Variants in LIG3 observed in about 807,000 individuals in gnomAD.
LIG3 encodes the protein ligase II, DNA, ATP-dependent.
Under a neutral mutation model 110.9 loss-of-function variants are expected in LIG3, and 58 were observed. That is an observed-to-expected ratio of 0.52 (90% CI 0.42 to 0.65). The LOEUF (loss-of-function observed/expected upper bound fraction) is 0.65, where lower values mean the gene tolerates loss of function less well. Ranked by LOEUF, LIG3 falls within the 30% of genes least tolerant of loss-of-function variation. The pLI is 0.00. For synonymous variants in LIG3, 422 were observed against 472.8 expected (o/e 0.89, Z 1.39); for missense variants, 1,094 against 1,273.8 (o/e 0.86, Z 2.15).
chr17:34,991,096 G>T lies in LIG3; in HGVS notation c.1023G>T (p.Met341Ile). 1 of 1,614,108 alleles carries T rather than the reference G, an allele frequency of 6.2e-7. No individual in the cohort carries two copies. Among genetic ancestry groups the T allele is most frequent in the South Asian group, 1.1e-5 (1 of 91,072 alleles). ...SRIFNCNPDD[M>I]ARDLEQGDVS... ...TTTTTAACTGCAACCCAGATGATAT[G>T]GCACGGGACCTAGAGCAGGTCAGAG... is the stretch of plus-strand genomic sequence containing the variant. The change falls in exon 5 of 20, where the codon ATG becomes ATT. Residue 341 changes from methionine (M) to isoleucine (I), a missense_variant. Met to Ile is a conservative substitution (Grantham distance 10). Coordinates refer to ENST00000378526, the MANE Select transcript of LIG3 (RefSeq NM_013975.4).
At chr17:34,982,531 C>T (rs1403165005) in intron 1 of LIG3, among the ~76,000 whole-genome samples, 1 of 151,834 alleles carries the variant, frequency 6.6e-6, no homozygotes, top group Non-Finnish European at 1.5e-5. Context: ...CCTGTAATCC[C>T]AGCTACTAGG....
intron 16 of LIG3, among the ~76,000 whole-genome samples, 197 bp from the exon 17 acceptor site, chr17:35,001,060 G>A (rs1265156028): frequency 3.3e-5 from 5 of 150,842 alleles, no homozygotes; most frequent in Admixed American, 6.6e-5. Context: ...GTGCACCACC[G>A]TGCCTGGCTA....
intron 2 of LIG3, 88 bp from the exon 3 acceptor site, chr17:34,985,900 G>A (rs1227590813): frequency 7.2e-7 from 1 of 1,394,434 alleles, no homozygotes; most frequent in Non-Finnish European, 1.0e-6. Flanking sequence ...AACAAGCAAG[G>A]CCCTAGGAGC....
intron 4 of LIG3, 92 bp downstream of exon 4, chr17:34,989,755 G>A: frequency 8.3e-7 from 1 of 1,209,472 alleles, no homozygotes; most frequent in Non-Finnish European, 1.2e-6. Flanking sequence ...AGTTGCCCGG[G>A]ATCCCATGCT....
At chr17:34,991,937 A>T (rs1358362733) in intron 6 of LIG3, 21 bp from the exon 7 acceptor site, 1 of 1,613,964 alleles carries the variant, frequency 6.2e-7, no homozygotes, top group Non-Finnish European at 8.5e-7. Context: ...AGACCAAGTT[A>T]AATGTGCTTC....
chr17:35,001,271 G>A lies in LIG3; in HGVS notation c.2346G>A (p.Trp782Ter), dbSNP rs755082204. 1.9e-6 allele frequency: 3 copies of A among 1,613,874 alleles called. No individual in the cohort carries two copies. The highest frequency in any genetic ancestry group is 2.5e-6 in the Non-Finnish European group (3 of 1,179,808). ...ACTCCTGACAGAAAGCTGCCGTGTG[G>A]GAGATCACAGGGGCTGAATTCTCCA... The part of the protein sequence containing the change: ...IVPDPKKAAV[W>*]EITGAEFSKS... Residue 782 changes from tryptophan to a stop codon, truncating the protein, a stop_gained, in exon 17 of 20, where the codon TGG becomes TGA. Transcript: ENST00000378526. LOFTEE classifies it high-confidence loss of function.
chr17:34,996,515 T>C (rs765748152), intron 10 of LIG3, 59 bp from the exon 11 acceptor site: 7 of 1,392,140 alleles, frequency 5.0e-6, no homozygotes, highest in Non-Finnish European at 5.1e-6. Flanking sequence ...CTGGTACTCC[T>C]TATTTTTTCA....
chr17:35,003,285 G>GGCAACATC, intron 19 of LIG3: 3 of 859,672 alleles, frequency 3.5e-6, no homozygotes, highest in Non-Finnish European at 5.1e-6. Context: ...TCTTGGGTTT[G>GGCAACATC]GCAACATCTC....
intron 3 of LIG3, among the ~76,000 whole-genome samples, chr17:34,988,958 C>T (rs1176842606): frequency 6.6e-6 from 1 of 152,220 alleles, no homozygotes; most frequent in Non-Finnish European, 1.5e-5. Context: ...TTACCCCTTT[C>T]TCATGCCAGC....
chr17:35,002,794 G>A lies in LIG3; in HGVS notation c.2796+5G>A, dbSNP rs895548455. 1.9e-6 allele frequency: 3 copies of A among 1,591,736 alleles called. No homozygotes were observed. The highest frequency in any genetic ancestry group is 2.7e-5 in the African/African-American group (2 of 74,536). On this transcript the variant is annotated splice_donor_5th_base_variant and intron_variant, in intron 19 of 19. Transcript: ENST00000378526. ...GAGACGCTGTGCCAAACAAAGGTGA[G>A]GGTAAAAACAGCAACACACCACGTG...
In LIG3 at chr17:34,983,545, C is replaced by CAT. The variant is rs775892244; in HGVS notation, c.541_542dup (p.Ala182LeufsTer22). The CAT allele has an allele frequency of 3.1e-6, 5 of 1,612,098 alleles. No homozygotes were observed. The African/African-American group carries it at 6.7e-5, about 22-fold the overall frequency. On this transcript the variant is annotated frameshift_variant, in exon 2 of 20. Coordinates refer to ENST00000378526, the MANE Select transcript of LIG3 (RefSeq NM_013975.4). LOFTEE classifies it high-confidence loss of function. ...ATGAGAAGGAACAGATAACCCAGCA[C>CAT]ATTGCAGGTAAGGTAGAGAACACTG...
Position 34,998,279 on chromosome 17 carries a change from G to T in LIG3, c.1972G>T (p.Val658Leu). Residue 658 changes from valine to leucine, a missense_variant, in exon 13 of 20, where the codon GTG becomes TTG. By Grantham distance (32) the Val-to-Leu change is conservative. Transcript: ENST00000378526. The part of the protein sequence containing the change: ...RVIQEGLEGL[V>L]LKDVKGTYEP... ...GATCCAGGAGGGATTGGAGGGGCTG[G>T]TGCTGAAGGATGTGAAGGTAAAGTG... 6.2e-7 allele frequency: 1 copy of T among 1,613,536 alleles called. No homozygotes were observed. Among genetic ancestry groups the T allele is most frequent in the Non-Finnish European group, 8.5e-7 (1 of 1,179,744 alleles).
At chr17:34,997,685 CTAA>C (rs1419555699) in intron 11 of LIG3, 50 bp from the exon 12 acceptor site, 1 of 1,319,634 alleles carries the variant, frequency 7.6e-7, no homozygotes, top group Non-Finnish European at 1.1e-6. Context: ...CTCAGAATTC[CTAA>C]TAAGGGAGGG....
rs750701422 is a variant in LIG3 at position 34,999,290 on chromosome 17, TCA to T, written c.2114-13_2114-12del. 8 of 1,607,134 alleles carry T rather than the reference TCA, an allele frequency of 5.0e-6. No individual in the cohort carries two copies. In the East Asian group the frequency reaches 1.8e-4, roughly 36 times the overall value. ...ATGGCTCCTCCAACCCACACTCATC[TCA>T]CACTCCCCTCCCAGGCGGCATGATG... On this transcript the variant is annotated splice_polypyrimidine_tract_variant and intron_variant, in intron 14 of 19. Coordinates refer to ENST00000378526, the MANE Select transcript of LIG3 (RefSeq NM_013975.4).
At chr17:34,989,331 G>T in intron 3 of LIG3, 135 bp from the exon 4 acceptor site, 1 of 749,100 alleles carries the variant, frequency 1.3e-6, no homozygotes, top group Non-Finnish European at 2.2e-6. Flanking sequence ...TGGATATAAT[G>T]ACATCTACCC....
In LIG3 at chr17:34,996,641, G is replaced by C. The variant is rs2090781376; in HGVS notation, c.1811G>C (p.Ser604Thr). The C allele has an allele frequency of 6.2e-7, 1 of 1,613,704 alleles. No individual in the cohort carries two copies. Among genetic ancestry groups the C allele is most frequent in the Non-Finnish European group, 8.5e-7 (1 of 1,179,674 alleles). ...GATTGTATCTACTTTAATGATGTCA[G>C]CTTGATGGACAGGTGAGTTGGCTAG... ...VFDCIYFNDVSLMDRPLCERR... is the reference protein window; with the variant it reads ...VFDCIYFNDVTLMDRPLCERR... The change falls in exon 11 of 20, where the codon AGC becomes ACC. Residue 604 changes from serine (S) to threonine (T), a missense_variant. Transcript: ENST00000378526.
In LIG3 at chr17:34,999,296, T is replaced by G. The variant is rs759090128; in HGVS notation, c.2114-11T>G. On this transcript the variant is annotated splice_polypyrimidine_tract_variant and intron_variant, in intron 14 of 19. Coordinates refer to ENST00000378526, the MANE Select transcript of LIG3 (RefSeq NM_013975.4). Reference sequence around the variant, plus strand: ...CCTCCAACCCACACTCATCTCACACTCCCCTCCCAGGCGGCATGATGTCAA... The same window carrying G: ...CCTCCAACCCACACTCATCTCACACGCCCCTCCCAGGCGGCATGATGTCAA... 4.4e-6 allele frequency: 7 copies of G among 1,608,912 alleles called. No individual in the cohort carries two copies. In the South Asian group the frequency reaches 7.8e-5, roughly 18 times the overall value.
At chr17:35,003,180 G>A (rs552283928) in intron 19 of LIG3, 2 of 1,510,312 alleles carry the variant, frequency 1.3e-6, no homozygotes, top group Non-Finnish European at 1.8e-6. Context: ...CAGGGTGGAA[G>A]CAGGTCCAGC....
In LIG3 at chr17:35,003,320, G is replaced by A. The variant is rs1052584477; in HGVS notation, c.2796+531G>A. On this transcript the variant is annotated intron_variant, in intron 19 of 19. Coordinates refer to ENST00000378526, the MANE Select transcript of LIG3 (RefSeq NM_013975.4). ...CCTGAGCAATTCTTTTTTTTTTTGA[G>A]ATAAGTCTCGCTCTGTTGCCTAGGC... is the stretch of plus-strand genomic sequence containing the variant. 17 of 538,102 alleles carry A rather than the reference G, an allele frequency of 3.2e-5. No homozygotes were observed. The East Asian group carries it at 5.7e-4, about 18-fold the overall frequency. 33.3% of individuals were successfully genotyped at this position (538,102 alleles called of 1,614,324 possible).
Sources: gnomAD v4.1 joint callset for allele counts (sites outside exome capture counted in the v4.1 genomes callset) on GRCh38, gnomAD v4.1.1 for gene constraint, MANE v1.5 for transcripts, NCBI Gene and HGNC (gene_info 2026-07-23, HGNC 2026-07-21) for gene names.